MBNL1: variants seen among roughly 807,000 people sequenced by gnomAD.
MBNL1 encodes muscleblind-like protein 1.
In MBNL1, 8 loss-of-function variants were observed where a neutral mutation model predicts 42.2. That is an observed-to-expected ratio of 0.19 (90% CI 0.11 to 0.34). The LOEUF (loss-of-function observed/expected upper bound fraction) is 0.34, where lower values mean the gene tolerates loss of function less well. Among genes scored for constraint, MBNL1 ranks in the 10% least tolerant of loss-of-function variants. The pLI is 1.00. For missense variants in MBNL1, 309 were observed against 495.3 expected (o/e 0.62, Z 3.57); for synonymous variants, 169 against 173.9 (o/e 0.97, Z 0.22).
chr3:152,254,772 G>T (rs554395534), intron 2 of MBNL1, among the ~76,000 whole-genome samples: 52 of 152,062 alleles, frequency 3.4e-4, no homozygotes, highest in Non-Finnish European at 6.6e-4. Context: ...CTGCTATTTC[G>T]TGTTAAACTT....
At chr3:152,265,402 G>GTA (rs1171574890), upstream of MBNL1, 1 of 152,008 alleles carries the variant, frequency 6.6e-6, no homozygotes, top group Non-Finnish European at 1.5e-5. Context: ...GTGTGTGTGT[G>GTA]TGTGTGTGTG....
chr3:152,365,188 C>T (rs1190673521), intron 2 of MBNL1, among the ~76,000 whole-genome samples: 1 of 151,976 alleles, frequency 6.6e-6, no homozygotes, highest in African/African-American at 2.4e-5. Flanking sequence ...GATGAATTTC[C>T]TAAGGTGTAG....
At chr3:152,361,656 A>G (rs997543496) in intron 2 of MBNL1, among the ~76,000 whole-genome samples, 2 of 152,170 alleles carry the variant, frequency 1.3e-5, no homozygotes, top group Admixed American at 1.3e-4. Flanking sequence ...AAACCCATGA[A>G]TGATTCAGAT....
At chr3:152,280,232 A>C (rs528579573) in intron 1 of MBNL1, among the ~76,000 whole-genome samples, 1 of 152,266 alleles carries the variant, frequency 6.6e-6, no homozygotes, top group African/African-American at 2.4e-5. Flanking sequence ...ATGGACGGGC[A>C]AAACAAAGTG....
chr3:152,391,466 A>G (rs1205279085), intron 2 of MBNL1, among the ~76,000 whole-genome samples: 1 of 152,174 alleles, frequency 6.6e-6, no homozygotes, highest in Non-Finnish European at 1.5e-5. Flanking sequence ...CTTCATACCT[A>G]TAAACCTTCC....
chr3:152,402,633 ATTTGTAC>A (rs1259518753), intron 2 of MBNL1, among the ~76,000 whole-genome samples: 2 of 147,322 alleles, frequency 1.4e-5, no homozygotes, highest in Non-Finnish European at 3.0e-5. Context: ...AGAGCCACAA[ATTTGTAC>A]TTGGATAACA....
At chr3:152,266,334 T>C (rs1037117745), upstream of MBNL1, 5 of 138,736 alleles carry the variant, frequency 3.6e-5, no homozygotes, top group African/African-American at 1.2e-4. Context: ...GTAAAAAACA[T>C]GTCTCATCTC....
At chr3:152,402,085 G>A (rs2098249928) in intron 2 of MBNL1, among the ~76,000 whole-genome samples, 1 of 151,770 alleles carries the variant, frequency 6.6e-6, no homozygotes, top group Non-Finnish European at 1.5e-5. Flanking sequence ...GTTCATTAAA[G>A]GAGGTTTTAA....
chr3:152,458,184 A>G, intron 8 of MBNL1: 2 of 1,613,894 alleles, frequency 1.2e-6, no homozygotes, highest in Non-Finnish European at 1.7e-6. Flanking sequence ...CTGCAGCAGC[A>G]GGAAAAATGG....
chr3:152,269,777 A>G (rs927210305), intron 1 of MBNL1: 2 of 209,860 alleles, frequency 9.5e-6, no homozygotes, highest in African/African-American at 2.4e-5. Flanking sequence ...ACTGTAAGAA[A>G]AGTAAGTATA....
At chr3:152,392,848 A>G (rs981756211) in intron 2 of MBNL1, among the ~76,000 whole-genome samples, 62 of 152,226 alleles carry the variant, frequency 4.1e-4, no homozygotes, top group African/African-American at 1.5e-3. Context: ...AGATGTAAAA[A>G]TATTCCTGAG....
At chr3:152,456,235 T>A in intron 7 of MBNL1, 32 bp from the exon 8 acceptor site, 2 of 1,441,232 alleles carry the variant, frequency 1.4e-6, no homozygotes, top group Non-Finnish European at 2.0e-6. Context: ...CACTCTTCTG[T>A]ATGTTCGCTT....
At chr3:152,455,661 A>T (rs1732174342) in intron 7 of MBNL1, 84 bp downstream of exon 7, 1 of 1,225,018 alleles carries the variant, frequency 8.2e-7, no homozygotes, top group Non-Finnish European at 1.2e-6. Context: ...AGTTTAACTT[A>T]TATCTATTGG....
chr3:152,320,603 A>G (rs2075849004), intron 2 of MBNL1, among the ~76,000 whole-genome samples: 1 of 152,010 alleles, frequency 6.6e-6, no homozygotes, highest in Admixed American at 6.6e-5. Flanking sequence ...TATTCAGCTT[A>G]ACACAGAATA....
At chr3:152,324,457 T>G (rs2078269283) in intron 2 of MBNL1, among the ~76,000 whole-genome samples, 1 of 152,130 alleles carries the variant, frequency 6.6e-6, no homozygotes. Flanking sequence ...GGAACTGGTT[T>G]ATGTCGAGAC....
At chr3:152,340,972 GTC>G in intron 2 of MBNL1, 1 of 1,494,608 alleles carries the variant, frequency 6.7e-7, no homozygotes, top group Non-Finnish European at 8.9e-7. Context: ...TTTCCTGAAG[GTC>G]TGGGTAAATT....
intron 2 of MBNL1, among the ~76,000 whole-genome samples, chr3:152,389,562 T>A (rs1442314613): frequency 1.3e-5 from 2 of 152,206 alleles, no homozygotes; most frequent in East Asian, 3.8e-4. Flanking sequence ...GCTGGAAACC[T>A]GTACTGCGTG....
intron 2 of MBNL1, among the ~76,000 whole-genome samples, chr3:152,359,683 A>G (rs2095799258): frequency 6.6e-6 from 1 of 152,176 alleles, no homozygotes; most frequent in Non-Finnish European, 1.5e-5. Context: ...AGTATAATAA[A>G]AGATAAGGGA....
intron 2 of MBNL1, among the ~76,000 whole-genome samples, chr3:152,354,121 A>C (rs555166527): frequency 6.6e-6 from 1 of 152,320 alleles, no homozygotes; most frequent in African/African-American, 2.4e-5. Flanking sequence ...TCTGTGTTAC[A>C]TGAAGCTTTA....
Sources: gnomAD v4.1 joint callset for allele counts (sites outside exome capture counted in the v4.1 genomes callset) on GRCh38, gnomAD v4.1.1 for gene constraint, MANE v1.5 for transcripts, NCBI Gene and HGNC (gene_info 2026-07-23, HGNC 2026-07-21) for gene names.